The following SUMF1 variants were observed in gnomAD, a reference collection of about 807,000 sequenced individuals.
SUMF1 encodes the protein formylglycine-generating enzyme.
A neutral mutation model predicts 47.6 loss-of-function variants in SUMF1; 48 were observed. The observed-to-expected ratio is 1.01, with a 90% confidence interval of 0.80 to 1.28. SUMF1 has a LOEUF of 1.28. Ranked by LOEUF, SUMF1 falls within the 50% of genes most tolerant of loss-of-function variation. The pLI is 0.00. For synonymous variants in SUMF1, 230 were observed against 192.1 expected (o/e 1.20, Z -1.63); for missense variants, 571 against 485.4 (o/e 1.18, Z -1.66).
At chr3:4,062,767 A>G (rs1695297441) in intron 9 of SUMF1, among the ~76,000 whole-genome samples, 1 of 152,158 alleles carries the variant, frequency 6.6e-6, no homozygotes, top group East Asian at 1.9e-4. Flanking sequence ...GGGTTGCACA[A>G]TGAGTTTCAA....
chr3:4,204,793 T>C (rs1695616846), intron 8 of SUMF1, among the ~76,000 whole-genome samples: 1 of 151,532 alleles, frequency 6.6e-6, no homozygotes, highest in Non-Finnish European at 1.5e-5. Context: ...TTTCAGTTTG[T>C]CAATTGACTT....
At chr3:4,077,141 A>T (rs1445351845) in intron 8 of SUMF1, among the ~76,000 whole-genome samples, 1 of 152,180 alleles carries the variant, frequency 6.6e-6, no homozygotes, top group Non-Finnish European at 1.5e-5. Flanking sequence ...GTGATCGTTA[A>T]AAAGTCAGGA....
chr3:4,204,051 T>A (rs1206670711), intron 8 of SUMF1, among the ~76,000 whole-genome samples: 8 of 152,110 alleles, frequency 5.3e-5, no homozygotes, highest in Admixed American at 1.3e-4. Flanking sequence ...TCTGTATTTA[T>A]CTGTATACTT....
chr3:4,140,943 C>G (rs1436928817), intron 8 of SUMF1, among the ~76,000 whole-genome samples: 1 of 152,108 alleles, frequency 6.6e-6, no homozygotes, highest in East Asian at 1.9e-4. Flanking sequence ...GAAAAAAACA[C>G]AGTCCCTGAA....
chr3:4,203,341 T>C (rs929402082), intron 8 of SUMF1, among the ~76,000 whole-genome samples: 2 of 151,872 alleles, frequency 1.3e-5, no homozygotes, highest in African/African-American at 4.8e-5. Context: ...TTAATGACTT[T>C]CTTTGTTTCT....
At chr3:4,087,273 G>A (rs538126223) in intron 8 of SUMF1, among the ~76,000 whole-genome samples, 4 of 152,264 alleles carry the variant, frequency 2.6e-5, no homozygotes, top group African/African-American at 9.6e-5. Flanking sequence ...TCGCAGACAT[G>A]GAGCTGGGCA....
chr3:4,121,695 C>T (rs1693548501), intron 8 of SUMF1, among the ~76,000 whole-genome samples: 1 of 152,110 alleles, frequency 6.6e-6, no homozygotes, highest in Admixed American at 6.5e-5. Flanking sequence ...CCTATATATG[C>T]ATGTTCATAG....
intron 8 of SUMF1, among the ~76,000 whole-genome samples, chr3:4,117,935 A>C (rs2125075381): frequency 6.6e-6 from 1 of 152,136 alleles, no homozygotes; most frequent in East Asian, 1.9e-4. Flanking sequence ...CATGGTTCCC[A>C]CCAAGAGCCT....
At chr3:4,095,552 C>T (rs1435357637) in intron 8 of SUMF1, among the ~76,000 whole-genome samples, 3 of 152,010 alleles carry the variant, frequency 2.0e-5, no homozygotes, top group African/African-American at 7.3e-5. Context: ...ATGTTTTCTG[C>T]CACTGACAAG....
intron 7 of SUMF1, among the ~76,000 whole-genome samples, chr3:4,393,787 T>G (rs1027190653): frequency 7.9e-5 from 12 of 152,156 alleles, no homozygotes; most frequent in Non-Finnish European, 1.6e-4. Context: ...CACTTCTCAA[T>G]TTATCACCTC....
chr3:4,399,617 G>A, intron 7 of SUMF1, among the ~76,000 whole-genome samples: 1 of 152,128 alleles, frequency 6.6e-6, no homozygotes, highest in East Asian at 1.9e-4. Flanking sequence ...GTAATTCACT[G>A]CCAAGAAAAA....
intron 8 of SUMF1, among the ~76,000 whole-genome samples, chr3:4,272,830 G>T (rs1466928587): frequency 5.9e-5 from 9 of 152,016 alleles, no homozygotes; most frequent in Admixed American, 1.3e-4. Flanking sequence ...TCCCAGCACT[G>T]TGGGAGCCCA....
At chr3:4,258,668 C>A (rs1697014169) in intron 8 of SUMF1, among the ~76,000 whole-genome samples, 1 of 151,062 alleles carries the variant, frequency 6.6e-6, no homozygotes, top group South Asian at 2.1e-4. Context: ...GTTGGTGGGA[C>A]TGTAAACTGG....
At chr3:4,181,617 T>A (rs1024797666) in intron 8 of SUMF1, among the ~76,000 whole-genome samples, 1 of 152,104 alleles carries the variant, frequency 6.6e-6, no homozygotes. Context: ...TCAAATGAGT[T>A]CCATGTTTCC....
At chr3:4,286,328 A>G (rs1262210908) in intron 8 of SUMF1, among the ~76,000 whole-genome samples, 1 of 152,102 alleles carries the variant, frequency 6.6e-6, no homozygotes, top group South Asian at 2.1e-4. Flanking sequence ...TTCTGCATCT[A>G]TAGGAAAACA....
intron 8 of SUMF1, among the ~76,000 whole-genome samples, chr3:4,086,044 A>C (rs1001586827): frequency 6.6e-6 from 1 of 152,046 alleles, no homozygotes; most frequent in African/African-American, 2.4e-5. Context: ...AGTTAAAGCC[A>C]ATTGCCTCCA....
At chr3:4,200,255 G>C (rs988299473) in intron 8 of SUMF1, among the ~76,000 whole-genome samples, 9 of 149,286 alleles carry the variant, frequency 6.0e-5, no homozygotes, top group Admixed American at 5.4e-4. Context: ...GGGATACCTA[G>C]ATAGCTGGTG....
chr3:4,081,037 T>A (rs977742647), intron 8 of SUMF1, among the ~76,000 whole-genome samples: 7 of 152,168 alleles, frequency 4.6e-5, no homozygotes, highest in Admixed American at 3.9e-4. Flanking sequence ...CAATACACAT[T>A]AAGCGTTTAG....
chr3:4,036,810 T>G (rs911386876), intron 9 of SUMF1, among the ~76,000 whole-genome samples: 15 of 145,104 alleles, frequency 1.0e-4, no homozygotes, highest in Non-Finnish European at 4.5e-5. Context: ...AATTAATTGT[T>G]AGTGTCCAGG....
Sources: gnomAD v4.1 joint callset for allele counts (sites outside exome capture counted in the v4.1 genomes callset) on GRCh38, gnomAD v4.1.1 for gene constraint, MANE v1.5 for transcripts, NCBI Gene and HGNC (gene_info 2026-07-23, HGNC 2026-07-21) for gene names.